Variants in SLC41A3 observed in about 807,000 individuals in gnomAD.
SLC41A3 encodes the protein solute carrier family 41 member 3, also known as SLC41A1-like 2.
In SLC41A3, 44 loss-of-function variants were observed where a neutral mutation model predicts 45.4. The ratio of observed to expected loss-of-function variants is 0.97; its 90% CI spans 0.76 to 1.25. The LOEUF is 1.25. Ranked by LOEUF, SLC41A3 falls within the 50% of genes most tolerant of loss-of-function variation. The probability of loss-of-function intolerance (pLI) is 0.00; values close to 1 mark genes in which losing one functional copy is unlikely to be tolerated. For missense variants in SLC41A3, 550 were observed against 600.6 expected, an observed-to-expected ratio of 0.92 and a Z score of 0.88; for synonymous variants, 256 against 252.4, an observed-to-expected ratio of 1.01 and a Z score of -0.13.
intron 4 of SLC41A3, among the ~76,000 whole-genome samples, chr3:126,029,554 C>G (rs1232115078): frequency 3.9e-5 from 6 of 152,186 alleles, no homozygotes; most frequent in Non-Finnish European, 8.8e-5. Flanking sequence ...ATTACCCAGT[C>G]TCAGATATTT....
At chr3:126,049,775 T>C (rs1345124231) in intron 3 of SLC41A3, among the ~76,000 whole-genome samples, 2 of 152,216 alleles carry the variant, frequency 1.3e-5, no homozygotes, top group East Asian at 1.9e-4. Flanking sequence ...TATCCTCTTA[T>C]AGTTCTAGAG....
chr3:126,028,689 C>A (rs995763766), intron 4 of SLC41A3, among the ~76,000 whole-genome samples: 1 of 152,248 alleles, frequency 6.6e-6, no homozygotes, highest in Non-Finnish European at 1.5e-5. Context: ...GCTCCACCAG[C>A]ATCTTGCCAC....
intron 2 of SLC41A3, chr3:126,056,403 G>A (rs149663130): frequency 3.3e-5 from 53 of 1,614,054 alleles, no homozygotes; most frequent in Admixed American, 8.3e-5. Flanking sequence ...TGCACAAGCC[G>A]GACAGCAGAA....
At position 126,007,145 on chromosome 3, in the gene SLC41A3, G is replaced by A; in HGVS notation, c.1335C>T (p.Ile445=). 1 of 1,614,228 alleles carries A rather than the reference G, an allele frequency of 6.2e-7. No individual in the cohort carries two copies. Among genetic ancestry groups the A allele is most frequent in the Non-Finnish European group, 8.5e-7 (1 of 1,180,032 alleles). Reference sequence around the variant, plus strand: ...GGTCCCCCAGCCCTGTAAGGTAGGGGATGCAGTGGTTGTCAGGATCCAGGG... The same window carrying A: ...GGTCCCCCAGCCCTGTAAGGTAGGGAATGCAGTGGTTGTCAGGATCCAGGG... ...HQALDPDNHC[I]PYLTGLGDLL... Residue 445 remains isoleucine (I), a synonymous_variant, in exon 11 of 11, where the codon ATC becomes ATT. Transcript: ENST00000360370.
At chr3:126,059,292 A>AAGAAAGAAAGAAAAGAAAG (rs1943909236) in intron 2 of SLC41A3, among the ~76,000 whole-genome samples, 4 of 101,754 alleles carry the variant, frequency 3.9e-5, no homozygotes, top group East Asian at 5.6e-4. Context: ...GAAAGAAAGA[A>AAGAAAGAAAGAAAAGAAAG]AGAAAGAAAG....
intron 3 of SLC41A3, among the ~76,000 whole-genome samples, chr3:126,043,222 G>T (rs572323740): frequency 6.6e-6 from 1 of 152,164 alleles, no homozygotes; most frequent in African/African-American, 2.4e-5. Context: ...GCATAAACTT[G>T]CAGTCCAGAG....
intron 1 of SLC41A3, among the ~76,000 whole-genome samples, chr3:126,078,673 G>A (rs140912377): frequency 4.6e-5 from 7 of 152,180 alleles, no homozygotes; most frequent in Non-Finnish European, 1.0e-4. Flanking sequence ...GACTATTAAC[G>A]ATCACTTTAC....
intron 3 of SLC41A3, 31 bp from the exon 4 acceptor site, chr3:126,033,709 A>G: frequency 6.2e-7 from 1 of 1,604,972 alleles, no homozygotes; most frequent in Non-Finnish European, 8.5e-7. Context: ...CAAAGGTAGG[A>G]CTGGCTAGGC....
intron 3 of SLC41A3, among the ~76,000 whole-genome samples, chr3:126,043,726 C>T (rs981229266): frequency 6.7e-6 from 1 of 150,362 alleles, no homozygotes; most frequent in African/African-American, 2.4e-5. Context: ...GTATGTAATC[C>T]TCATGGTAAC....
chr3:126,073,237 T>C (rs916467747), intron 1 of SLC41A3: 1 of 152,256 alleles, frequency 6.6e-6, no homozygotes, highest in Non-Finnish European at 1.5e-5. Context: ...GCTCAGGAGT[T>C]GAAGACCAGC....
chr3:126,006,774 A>T lies in SLC41A3; in HGVS notation c.*242T>A. 1.4e-6 allele frequency: 2 copies of T among 1,442,438 alleles called. No homozygotes were observed. Among genetic ancestry groups the T allele is most frequent in the Non-Finnish European group, 1.8e-6 (2 of 1,104,148 alleles). 89.4% of individuals were successfully genotyped at this position (1,442,438 alleles called of 1,614,324 possible). On this transcript the variant is annotated 3_prime_UTR_variant, in exon 11 of 11. Transcript: ENST00000360370. ...ACGTGTGCACACTTGCACGCTCATT[A>T]AGCATGTGCACACATCATATTCACA...
intron 3 of SLC41A3, 159 bp downstream of exon 3, chr3:126,050,784 G>A (rs1181329635): frequency 7.8e-6 from 10 of 1,276,730 alleles, no homozygotes; most frequent in African/African-American, 1.5e-5. Context: ...GCATTGGGCT[G>A]GGAGAGGGAC....
intron 1 of SLC41A3, among the ~76,000 whole-genome samples, chr3:126,069,585 G>A (rs1051041024): frequency 2.6e-5 from 4 of 152,070 alleles, no homozygotes; most frequent in Non-Finnish European, 5.9e-5. Context: ...CAATAAAAAT[G>A]AGACATGCCA....
At chr3:126,022,283 T>C (rs948117267) in intron 6 of SLC41A3, among the ~76,000 whole-genome samples, 23 of 152,264 alleles carry the variant, frequency 1.5e-4, no homozygotes, top group Non-Finnish European at 2.6e-4. Flanking sequence ...TATTTAAGGT[T>C]GACATCAGTA....
chr3:126,036,538 T>C (rs1024003469), intron 3 of SLC41A3, among the ~76,000 whole-genome samples: 2 of 152,104 alleles, frequency 1.3e-5, no homozygotes, highest in South Asian at 4.2e-4. Flanking sequence ...GGAAACTGCC[T>C]TTCTTCCCTC....
chr3:126,086,583 T>C (rs1247111621), upstream of SLC41A3, among the ~76,000 whole-genome samples: 2 of 151,916 alleles, frequency 1.3e-5, no homozygotes, highest in African/African-American at 4.8e-5. Context: ...TTTGTTTAAA[T>C]GGCAAATTAA....
At position 126,051,054 on chromosome 3, in the gene SLC41A3, G is replaced by T. The variant is rs139514754; in HGVS notation, c.274-4C>A. 3 of 1,596,246 alleles carry T rather than the reference G, an allele frequency of 1.9e-6. No individual in the cohort carries two copies. The highest frequency in any genetic ancestry group is 1.7e-6 in the Non-Finnish European group (2 of 1,170,052). On this transcript the variant is annotated splice_region_variant and splice_polypyrimidine_tract_variant and intron_variant, in intron 2 of 10. Transcript: ENST00000360370. ...CCTCCACAAACACAGGCCAGTGCTGGTAGGGAAACAGTAAGGAGATAAGCC... is the reference window on the plus strand; with the variant it reads ...CCTCCACAAACACAGGCCAGTGCTGTTAGGGAAACAGTAAGGAGATAAGCC...
intron 2 of SLC41A3, chr3:126,058,304 T>G (rs1028924181): frequency 2.0e-5 from 3 of 152,276 alleles, no homozygotes; most frequent in Admixed American, 6.5e-5. Flanking sequence ...ATCCGTGATC[T>G]CGCTATTTCA....
In SLC41A3 at chr3:126,016,786, C is replaced by T. The variant is rs139399598; in HGVS notation, c.835G>A (p.Val279Met). 1.8e-3 allele frequency: 2,848 copies of T among 1,612,610 alleles called. 6 individuals carry two copies. The highest frequency in any genetic ancestry group is 2.2e-3 in the Non-Finnish European group (2,574 of 1,179,530). ...AACCAGCCAAACTTCAGGATCTTCACGATGGGTGGGCTCTGCTTGGCAATG... is the reference window on the plus strand; with the variant it reads ...AACCAGCCAAACTTCAGGATCTTCATGATGGGTGGGCTCTGCTTGGCAATG... ...VLIAKQSPPI[V>M]KILKFGWFPI... The change falls in exon 7 of 11, where the codon GTG becomes ATG. Residue 279 changes from valine (V) to methionine (M), a missense_variant. Val to Met is a conservative substitution (Grantham distance 21). Transcript: ENST00000360370.
Sources: gnomAD v4.1 joint callset for allele counts (sites outside exome capture counted in the v4.1 genomes callset) on GRCh38, gnomAD v4.1.1 for gene constraint, MANE v1.5 for transcripts, NCBI Gene and HGNC (gene_info 2026-07-23, HGNC 2026-07-21) for gene names.